TRHDE: variants seen among roughly 807,000 people sequenced by gnomAD.
TRHDE encodes thyrotropin releasing hormone degrading enzyme, also known as thyrotropin-releasing hormone-degrading ectoenzyme.
Under a neutral mutation model 125.7 loss-of-function variants are expected in TRHDE, and 72 were observed. The ratio of observed to expected loss-of-function variants is 0.57; its 90% confidence interval spans 0.47 to 0.70. TRHDE has a LOEUF of 0.70. Ranked by LOEUF, TRHDE falls within the 30% of genes least tolerant of loss-of-function variation. The pLI is 0.00. For synonymous variants in TRHDE, 509 were observed against 509.1 expected (o/e 1.00, Z 0.00); for missense variants, 1,110 against 1,327.1 (o/e 0.84, Z 2.54).
At chr12:72,351,910 C>A (rs958291256) in intron 2 of TRHDE, among the ~76,000 whole-genome samples, 1 of 151,852 alleles carries the variant, frequency 6.6e-6, no homozygotes, top group African/African-American at 2.4e-5. Flanking sequence ...GAGTTTTGCA[C>A]ATATGCTTCT....
At chr12:72,150,760 G>T (rs1345658274) in intron 2 of TRHDE, among the ~76,000 whole-genome samples, 1 of 151,828 alleles carries the variant, frequency 6.6e-6, no homozygotes, top group East Asian at 1.9e-4. Context: ...AGTATTCCAT[G>T]GTGTATATGT....
intron 2 of TRHDE, among the ~76,000 whole-genome samples, chr12:72,325,834 C>T (rs538100274): frequency 1.9e-4 from 29 of 152,084 alleles, no homozygotes; most frequent in Admixed American, 1.3e-3. Flanking sequence ...CTTAAGTTGA[C>T]TGGATAGTAA....
chr12:72,496,974 T>C (rs1414103809), intron 5 of TRHDE, among the ~76,000 whole-genome samples: 2 of 152,148 alleles, frequency 1.3e-5, no homozygotes, highest in African/African-American at 4.8e-5. Context: ...TAGAATTTTC[T>C]TTTTTCCTCC....
At chr12:72,236,548 A>C (rs1254958745) in intron 2 of TRHDE, among the ~76,000 whole-genome samples, 1 of 152,122 alleles carries the variant, frequency 6.6e-6, no homozygotes, top group African/African-American at 2.4e-5. Context: ...TGTGTCTTGC[A>C]TTTTTGACAA....
chr12:72,485,444 A>C (rs1003472724), intron 5 of TRHDE, among the ~76,000 whole-genome samples: 4 of 152,050 alleles, frequency 2.6e-5, no homozygotes, highest in African/African-American at 9.7e-5. Context: ...CAGCTGGTGC[A>C]CCCACCTCTT....
At chr12:72,562,286 T>A (rs1870215244) in intron 8 of TRHDE, 56 bp downstream of exon 8, 1 of 918,250 alleles carries the variant, frequency 1.1e-6, no homozygotes, top group Non-Finnish European at 1.7e-6. Context: ...TGAATTGCAT[T>A]TATAAGACAT....
At chr12:72,093,518 T>G (rs1874840463) in intron 1 of TRHDE, among the ~76,000 whole-genome samples, 1 of 152,086 alleles carries the variant, frequency 6.6e-6, no homozygotes, top group Non-Finnish European at 1.5e-5. Flanking sequence ...TTTTCATTCT[T>G]TTTTCTTTTT....
At chr12:72,589,256 T>A (rs542696022) in intron 12 of TRHDE, among the ~76,000 whole-genome samples, 47 of 152,334 alleles carry the variant, frequency 3.1e-4, no homozygotes, top group African/African-American at 1.1e-3. Context: ...ATGATCGATC[T>A]GATTTGTATT....
chr12:72,153,871 T>A (rs1044508612), intron 2 of TRHDE, among the ~76,000 whole-genome samples: 1 of 152,236 alleles, frequency 6.6e-6, no homozygotes, highest in Non-Finnish European at 1.5e-5. Flanking sequence ...ATGTATATTC[T>A]GTTGATTTGG....
In TRHDE at chr12:72,335,944, C is replaced by T. The variant is rs1170160498; in HGVS notation, c.1189-42051C>T. Among the ~76,000 whole-genome samples, 3 of 152,048 alleles carry T rather than the reference C, an allele frequency of 2.0e-5. No individual in the cohort carries two copies. The East Asian group carries it at 5.8e-4, about 29-fold the overall frequency. ...ATGCTAGTGAGCAAGTTGGATAATA[C>T]ATTTAACACATTAAAAAAAGTAAAA... On this transcript the variant is annotated intron_variant, in intron 2 of 18. Transcript: ENST00000261180.
At chr12:72,494,609 A>G (rs12322905) in intron 5 of TRHDE, among the ~76,000 whole-genome samples, 14,970 of 151,794 alleles carry the variant, frequency 0.099, 1,027 homozygotes, top group African/African-American at 0.18. Context: ...CCTATTTTCC[A>G]TCCATCACCA....
intron 12 of TRHDE, among the ~76,000 whole-genome samples, chr12:72,592,565 TC>T (rs1361814792): frequency 6.6e-6 from 1 of 151,466 alleles, no homozygotes; most frequent in South Asian, 2.1e-4. Flanking sequence ...ATTTTTTTTT[TC>T]TCTCTCTCTC....
chr12:72,520,530 C>T (rs943608593), intron 6 of TRHDE, among the ~76,000 whole-genome samples: 5 of 152,128 alleles, frequency 3.3e-5, no homozygotes, highest in Admixed American at 6.5e-5. Context: ...CACTGACCTG[C>T]GCCCACTCTC....
intron 12 of TRHDE, among the ~76,000 whole-genome samples, chr12:72,607,603 G>A (rs1180005801): frequency 6.6e-6 from 1 of 152,056 alleles, no homozygotes; most frequent in African/African-American, 2.4e-5. Flanking sequence ...ATGCTCCATA[G>A]TGACCAATTA....
intron 1 of TRHDE, chr12:72,274,057 T>A (rs778224844): frequency 2.8e-4 from 43 of 156,176 alleles, no homozygotes; most frequent in Non-Finnish European, 5.0e-4. Flanking sequence ...ATTAGTCTCC[T>A]GCCAGGTGCA....
At chr12:72,462,666 T>C (rs1876180931) in intron 3 of TRHDE, among the ~76,000 whole-genome samples, 1 of 152,218 alleles carries the variant, frequency 6.6e-6, no homozygotes, top group African/African-American at 2.4e-5. Flanking sequence ...ATTGGGTTGA[T>C]GTTTCGCTTA....
intron 2 of TRHDE, among the ~76,000 whole-genome samples, chr12:72,344,701 G>A: frequency 6.6e-6 from 1 of 151,974 alleles, no homozygotes; most frequent in East Asian, 1.9e-4. Flanking sequence ...TATGGGTCCT[G>A]GATTGCCCCT....
intron 5 of TRHDE, among the ~76,000 whole-genome samples, chr12:72,490,319 T>C (rs1382843272): frequency 2.0e-5 from 3 of 151,602 alleles, no homozygotes; most frequent in Non-Finnish European, 3.0e-5. Flanking sequence ...TATCAAAAAG[T>C]TAAAAGATAA....
intron 2 of TRHDE, chr12:72,163,042 A>G (rs746175285): frequency 2.6e-5 from 4 of 152,050 alleles, no homozygotes; most frequent in Non-Finnish European, 5.9e-5. Flanking sequence ...CATCTTTTGT[A>G]GCCTCAAGAC....
Sources: gnomAD v4.1 joint callset for allele counts (sites outside exome capture counted in the v4.1 genomes callset) on GRCh38, gnomAD v4.1.1 for gene constraint, MANE v1.5 for transcripts, NCBI Gene and HGNC (gene_info 2026-07-23, HGNC 2026-07-21) for gene names.